NKAIN2: variants seen among roughly 807,000 people sequenced by gnomAD.
NKAIN2 encodes the protein sodium/potassium transporting ATPase interacting 2, also known as sodium/potassium-transporting ATPase subunit beta-1-interacting protein 2.
A neutral mutation model predicts 32.6 loss-of-function variants in NKAIN2; 14 were observed. The ratio of observed to expected loss-of-function variants is 0.43; its 90% confidence interval spans 0.28 to 0.67. NKAIN2 has a LOEUF of 0.67. NKAIN2 is among the 30% of genes least tolerant of loss of function. The pLI, the probability that NKAIN2 is intolerant of heterozygous loss-of-function variation, is 0.17. For synonymous variants in NKAIN2, 80 were observed against 87.2 expected (o/e 0.92, Z 0.46); for missense variants, 198 against 258.3 (o/e 0.77, Z 1.60).
chr6:123,855,765 T>G (rs1434660556), intron 1 of NKAIN2, among the ~76,000 whole-genome samples: 1 of 152,236 alleles, frequency 6.6e-6, no homozygotes, highest in Non-Finnish European at 1.5e-5. Flanking sequence ...TCACAATGTC[T>G]GAGTTCACAT....
chr6:124,560,727 A>C (rs2114891747), intron 3 of NKAIN2, among the ~76,000 whole-genome samples: 1 of 152,354 alleles, frequency 6.6e-6, no homozygotes, highest in Admixed American at 6.5e-5. Context: ...CTATGTGAAA[A>C]AATTCACCTT....
intron 3 of NKAIN2, among the ~76,000 whole-genome samples, chr6:124,521,201 T>C (rs556778426): frequency 1.0e-3 from 157 of 152,286 alleles, no homozygotes; most frequent in Non-Finnish European, 1.5e-3. Context: ...ATCGTCGCCT[T>C]GTTCCCATCA....
intron 4 of NKAIN2, among the ~76,000 whole-genome samples, chr6:124,752,721 T>C (rs550110411): frequency 3.9e-5 from 6 of 152,240 alleles, no homozygotes; most frequent in Non-Finnish European, 8.8e-5. Context: ...TCTATGCTCA[T>C]TATACAAAGA....
chr6:123,984,874 T>C (rs1258573252), intron 1 of NKAIN2, among the ~76,000 whole-genome samples: 2 of 152,094 alleles, frequency 1.3e-5, no homozygotes, highest in Non-Finnish European at 2.9e-5. Flanking sequence ...AAAAGAAATA[T>C]AAGATTTAAC....
chr6:123,986,914 T>A (rs1004872038), intron 1 of NKAIN2, among the ~76,000 whole-genome samples: 2 of 152,284 alleles, frequency 1.3e-5, no homozygotes, highest in Middle Eastern at 6.8e-3. Context: ...AAGAGTGTTA[T>A]GTGCTGAATG....
chr6:124,645,843 A>G (rs1225817214), intron 3 of NKAIN2, among the ~76,000 whole-genome samples: 1 of 152,054 alleles, frequency 6.6e-6, no homozygotes, highest in Non-Finnish European at 1.5e-5. Context: ...TGCTCTGTTC[A>G]CTCCTTCACT....
intron 2 of NKAIN2, among the ~76,000 whole-genome samples, chr6:124,340,063 T>C (rs1351018282): frequency 1.3e-5 from 2 of 152,142 alleles, no homozygotes; most frequent in African/African-American, 4.8e-5. Flanking sequence ...AAAGCCCCTT[T>C]TATTAGAATT....
chr6:124,414,449 T>C (rs1294473117), intron 3 of NKAIN2, among the ~76,000 whole-genome samples: 2 of 152,174 alleles, frequency 1.3e-5, no homozygotes, highest in Non-Finnish European at 2.9e-5. Context: ...ATGAGAGATA[T>C]TGGTCTATAA....
chr6:123,943,021 C>T (rs73555211), intron 1 of NKAIN2, among the ~76,000 whole-genome samples: 4,463 of 152,082 alleles, frequency 0.029, 209 homozygotes, highest in African/African-American at 0.1. Flanking sequence ...ATCCCATGTG[C>T]ATTACAAAAC....
intron 1 of NKAIN2, among the ~76,000 whole-genome samples, chr6:123,854,889 C>T (rs1446843041): frequency 2.0e-5 from 3 of 152,134 alleles, no homozygotes; most frequent in African/African-American, 4.8e-5. Flanking sequence ...TGGTCTTCTG[C>T]GTCTTTCCTT....
At chr6:124,804,336 T>A (rs1467493815) in intron 5 of NKAIN2, 1 of 167,848 alleles carries the variant, frequency 6.0e-6, no homozygotes. Flanking sequence ...GTTTATCAAG[T>A]GAACCTTATA....
chr6:124,373,549 G>C (rs1043502737), intron 3 of NKAIN2, among the ~76,000 whole-genome samples: 5 of 152,108 alleles, frequency 3.3e-5, no homozygotes, highest in Admixed American at 6.6e-5. Context: ...ATTTCTTAGG[G>C]GAGACACTTA....
At chr6:124,292,438 T>G (rs1328130424) in intron 2 of NKAIN2, among the ~76,000 whole-genome samples, 1 of 152,160 alleles carries the variant, frequency 6.6e-6, no homozygotes, top group East Asian at 1.9e-4. Flanking sequence ...ATGCTCAGTT[T>G]GCCTTTTTGA....
chr6:124,503,177 G>A (rs912606447), intron 3 of NKAIN2, among the ~76,000 whole-genome samples: 2 of 151,764 alleles, frequency 1.3e-5, no homozygotes, highest in Non-Finnish European at 2.9e-5. Context: ...ATTTTAATGA[G>A]GCATTTAATA....
intron 1 of NKAIN2, among the ~76,000 whole-genome samples, chr6:124,229,601 A>C (rs1792338557): frequency 6.6e-6 from 1 of 152,204 alleles, no homozygotes; most frequent in African/African-American, 2.4e-5. Context: ...CTCAGTTTGA[A>C]TTCTACTTCC....
At chr6:124,649,830 C>T (rs941310641) in intron 3 of NKAIN2, among the ~76,000 whole-genome samples, 1 of 152,096 alleles carries the variant, frequency 6.6e-6, no homozygotes, top group Non-Finnish European at 1.5e-5. Context: ...TCATGTAATA[C>T]ATCACATCCA....
chr6:124,089,649 T>C (rs1784337662), intron 1 of NKAIN2, among the ~76,000 whole-genome samples: 1 of 151,986 alleles, frequency 6.6e-6, no homozygotes, highest in Non-Finnish European at 1.5e-5. Flanking sequence ...AAGAGTTCCC[T>C]GAACCCGGGT....
At position 124,440,939 on chromosome 6, in the gene NKAIN2, T is replaced by C. The variant is rs1463126170; in HGVS notation, c.273+85592T>C. Among the ~76,000 whole-genome samples, 12 of 152,236 alleles carry C rather than the reference T, an allele frequency of 7.9e-5. No homozygotes were observed. In the East Asian group the frequency reaches 2.3e-3, roughly 29 times the overall value. The stretch of plus-strand genomic sequence containing the variant: ...ATTCCTACTTTGACTCCATAGTTTC[T>C]AGACACATATATTCTACCTAGCATG... On this transcript the variant is annotated intron_variant, in intron 3 of 6. Coordinates refer to ENST00000368417, the MANE Select transcript of NKAIN2 (RefSeq NM_001040214.3).
chr6:124,395,767 G>T (rs1773350619), intron 3 of NKAIN2, among the ~76,000 whole-genome samples: 1 of 152,030 alleles, frequency 6.6e-6, no homozygotes, highest in African/African-American at 2.4e-5. Context: ...GATATGTCCA[G>T]TGTGGAAGCA....
Sources: gnomAD v4.1 joint callset for allele counts (sites outside exome capture counted in the v4.1 genomes callset) on GRCh38, gnomAD v4.1.1 for gene constraint, MANE v1.5 for transcripts, NCBI Gene and HGNC (gene_info 2026-07-23, HGNC 2026-07-21) for gene names.